Variants in MPDZ observed in about 807,000 individuals in gnomAD.
MPDZ encodes multiple PDZ domain crumbs cell polarity complex component.
In MPDZ, 234 loss-of-function variants were observed where a neutral mutation model predicts 239.1. The ratio of observed to expected loss-of-function variants is 0.98; its 90% confidence interval spans 0.88 to 1.09. The LOEUF is 1.09. Among genes scored for constraint, MPDZ ranks in the 50% least tolerant of loss-of-function variants. The probability of loss-of-function intolerance (pLI) is 0.00; values close to 1 mark genes in which losing one functional copy is unlikely to be tolerated. For missense variants in MPDZ, 3,175 were observed against 2,510.0 expected (o/e 1.26, Z -5.66); for synonymous variants, 1,048 against 881.3 (o/e 1.19, Z -3.35).
intron 10 of MPDZ, among the ~76,000 whole-genome samples, chr9:13,208,836 A>T (rs926242747): frequency 1.3e-5 from 2 of 152,202 alleles, no homozygotes; most frequent in African/African-American, 4.8e-5. Flanking sequence ...CTTCTATGAT[A>T]CTTCTGAGCT....
chr9:13,215,385 T>G (rs930385341), intron 10 of MPDZ, among the ~76,000 whole-genome samples: 17 of 151,380 alleles, frequency 1.1e-4, no homozygotes, highest in African/African-American at 3.6e-4. Flanking sequence ...TATAGCAATA[T>G]GTGTCTATAT....
intron 28 of MPDZ, among the ~76,000 whole-genome samples, chr9:13,138,447 A>G (rs564900924): frequency 6.6e-6 from 1 of 152,180 alleles, no homozygotes; most frequent in Admixed American, 6.5e-5. Context: ...CAAACTCTCA[A>G]AAGACTATGA....
At chr9:13,201,291 G>A (rs1956357598) in intron 12 of MPDZ, among the ~76,000 whole-genome samples, 1 of 151,902 alleles carries the variant, frequency 6.6e-6, no homozygotes, top group Non-Finnish European at 1.5e-5. Context: ...TCGCTAGAAA[G>A]CAATATAGCA....
intron 1 of MPDZ, among the ~76,000 whole-genome samples, chr9:13,278,722 C>T (rs979857744): frequency 6.6e-6 from 1 of 152,184 alleles, no homozygotes; most frequent in Non-Finnish European, 1.5e-5. Flanking sequence ...GTTAAAAGGG[C>T]GCCGGTGCCA....
chr9:13,182,907 A>T (rs1304328944), intron 19 of MPDZ, among the ~76,000 whole-genome samples: 1 of 152,142 alleles, frequency 6.6e-6, no homozygotes, highest in East Asian at 1.9e-4. Flanking sequence ...ACATAAACAT[A>T]ATTTACCATT....
rs1952416155 is a variant in MPDZ, at chr9:13,175,891, A to C, written c.2932-16T>G. The stretch of plus-strand genomic sequence containing the variant: ...ACTCAGAGCCCTTTAAGAAAGAAAA[A>C]GAAGTCACAAGTCACATGGAAAGGG... On this transcript the variant is annotated splice_polypyrimidine_tract_variant and intron_variant, in intron 20 of 46. Coordinates refer to ENST00000319217, the MANE Select transcript of MPDZ (RefSeq NM_001378778.1). The C allele has an allele frequency of 1.3e-6, 2 of 1,576,154 alleles. No homozygotes were observed. Among genetic ancestry groups the C allele is most frequent in the Admixed American group, 1.9e-5 (1 of 53,392 alleles).
intron 7 of MPDZ, 133 bp downstream of exon 7, chr9:13,221,239 A>G: frequency 1.0e-6 from 1 of 984,480 alleles, no homozygotes; most frequent in Non-Finnish European, 1.4e-6. Flanking sequence ...GACACTCAAT[A>G]AAACGAAAGA....
chr9:13,131,550 A>G (rs1946002339), intron 32 of MPDZ, among the ~76,000 whole-genome samples: 1 of 152,210 alleles, frequency 6.6e-6, no homozygotes, highest in South Asian at 2.1e-4. Context: ...TGACTCCTGC[A>G]TACCAAGGTG....
intron 10 of MPDZ, among the ~76,000 whole-genome samples, chr9:13,211,558 A>G (rs1213731236): frequency 6.6e-6 from 1 of 152,162 alleles, no homozygotes; most frequent in Non-Finnish European, 1.5e-5. Context: ...CAACAAAATA[A>G]GTAAAATTCA....
At position 13,132,359 on chromosome 9, in the gene MPDZ, G is replaced by C. The variant is rs185193390; in HGVS notation, c.4464+1465C>G. On this transcript the variant is annotated intron_variant, in intron 32 of 46. Transcript: ENST00000319217. ...TAGGCAATCACTCAGGATGTGAGAA[G>C]GGCTTCTGACAGCACAGGCTTCTGT... is the stretch of plus-strand genomic sequence containing the variant. 2.2e-4 allele frequency among the ~76,000 whole-genome samples: 34 copies of C among 152,260 alleles called. 1 individual carries two copies. In the East Asian group the frequency reaches 6.2e-3, roughly 28 times the overall value.
intron 24 of MPDZ, among the ~76,000 whole-genome samples, chr9:13,152,727 T>G (rs1304153154): frequency 6.6e-6 from 1 of 152,144 alleles, no homozygotes; most frequent in Non-Finnish European, 1.5e-5. Flanking sequence ...TAAGTTCATC[T>G]GGTATGCTCC....
intron 32 of MPDZ, among the ~76,000 whole-genome samples, chr9:13,127,141 C>T (rs551445458): frequency 2.8e-3 from 419 of 152,226 alleles, no homozygotes; most frequent in South Asian, 8.5e-3. Flanking sequence ...CCAAAGAATC[C>T]CGCTTCTTCT....
intron 14 of MPDZ, 49 bp downstream of exon 14, chr9:13,193,118 C>T (rs764655581): frequency 1.4e-6 from 2 of 1,414,344 alleles, no homozygotes; most frequent in Admixed American, 4.7e-5. Context: ...CTCCTGCAAG[C>T]TTTTCCATGT....
chr9:13,163,405 T>G (rs1211736892), intron 22 of MPDZ, among the ~76,000 whole-genome samples: 1 of 152,154 alleles, frequency 6.6e-6, no homozygotes, highest in Non-Finnish European at 1.5e-5. Context: ...AAAATTCACT[T>G]TGGTCTCAAA....
intron 1 of MPDZ, among the ~76,000 whole-genome samples, chr9:13,263,337 G>C (rs1054631769): frequency 6.6e-6 from 1 of 150,446 alleles, no homozygotes; most frequent in Non-Finnish European, 1.5e-5. Flanking sequence ...AGTTTTAGAG[G>C]CTAGGACTAG....
chr9:13,206,884 G>A (rs1286185550), intron 10 of MPDZ, among the ~76,000 whole-genome samples: 1 of 152,058 alleles, frequency 6.6e-6, no homozygotes, highest in African/African-American at 2.4e-5. Flanking sequence ...TCCCTATGTT[G>A]CTAAGGCTAG....
intron 21 of MPDZ, among the ~76,000 whole-genome samples, chr9:13,171,606 A>G (rs1022879083): frequency 5.3e-5 from 8 of 152,324 alleles, no homozygotes; most frequent in African/African-American, 1.9e-4. Context: ...AGACTTATCA[A>G]AAAGCATCAA....
intron 12 of MPDZ, among the ~76,000 whole-genome samples, chr9:13,200,963 G>C (rs1350715037): frequency 6.6e-6 from 1 of 152,004 alleles, no homozygotes; most frequent in South Asian, 2.1e-4. Flanking sequence ...ATGTTTTACT[G>C]TTGATTTTCT....
intron 8 of MPDZ, among the ~76,000 whole-genome samples, chr9:13,218,692 A>G (rs1211383747): frequency 1.3e-5 from 2 of 151,946 alleles, no homozygotes; most frequent in Non-Finnish European, 2.9e-5. Flanking sequence ...AAAAACTTTA[A>G]TAGAACAAAA....
Sources: gnomAD v4.1 joint callset for allele counts (sites outside exome capture counted in the v4.1 genomes callset) on GRCh38, gnomAD v4.1.1 for gene constraint, MANE v1.5 for transcripts, NCBI Gene and HGNC (gene_info 2026-07-23, HGNC 2026-07-21) for gene names.